Variants in FANCL observed in about 807,000 individuals in gnomAD.
FANCL encodes the protein E3 ubiquitin-protein ligase FANCL.
In FANCL, 69 loss-of-function variants were observed where a neutral mutation model predicts 59.4. That is an observed-to-expected ratio of 1.16 (90% CI 0.96 to 1.42). The LOEUF (loss-of-function observed/expected upper bound fraction) is 1.42. FANCL is among the 40% of genes most tolerant of loss of function. FANCL has a pLI of 0.00. For synonymous variants in FANCL, 180 were observed against 147.1 expected, an observed-to-expected ratio of 1.22 and a Z score of -1.62; for missense variants, 519 against 447.2, an observed-to-expected ratio of 1.16 and a Z score of -1.45.
intron 5 of FANCL, among the ~76,000 whole-genome samples, chr2:58,205,104 C>T (rs994232290): frequency 6.6e-6 from 1 of 151,946 alleles, no homozygotes; most frequent in Non-Finnish European, 1.5e-5. Context: ...AAACTTATCA[C>T]CCAGGCTGAT....
Position 58,222,056 on chromosome 2 carries a change from G to C in FANCL, c.274-14C>G. Reference sequence around the variant, plus strand: ...TAAGGCAACTTCCTGTTTAAAAGAAGAAAACCTGAATTAGCTGTGGAACGC... The same window carrying C: ...TAAGGCAACTTCCTGTTTAAAAGAACAAAACCTGAATTAGCTGTGGAACGC... On this transcript the variant is annotated splice_polypyrimidine_tract_variant and intron_variant, in intron 4 of 13. Coordinates refer to ENST00000233741, the MANE Select transcript of FANCL (RefSeq NM_018062.4). The C allele has an allele frequency of 6.3e-7, 1 of 1,579,412 alleles. No individual in the cohort carries two copies.
At chr2:58,162,188 T>G (rs1177927293) in intron 11 of FANCL, among the ~76,000 whole-genome samples, 3 of 151,960 alleles carry the variant, frequency 2.0e-5, no homozygotes, top group Non-Finnish European at 4.4e-5. Context: ...CACTACCATT[T>G]AGTAGTCTAC....
rs746454771 is a variant in FANCL, at chr2:58,161,631, G to A, written c.911C>T (p.Thr304Ile). 1 of 1,605,294 alleles carries A rather than the reference G, an allele frequency of 6.2e-7. No homozygotes were observed. Among genetic ancestry groups the A allele is most frequent in the South Asian group, 1.1e-5 (1 of 90,878 alleles). Residue 304 changes from threonine (T) to isoleucine (I), a missense_variant, in exon 12 of 14, where the codon ACT becomes ATT. Thr to Ile is a moderately conservative substitution (Grantham distance 89). Transcript: ENST00000233741. ...ARAILEKSDFTMDCGICYAYQ... is the reference protein window; with the variant it reads ...ARAILEKSDFIMDCGICYAYQ... Reference sequence around the variant, plus strand: ...AGCATAACAAATTCCACAATCCATAGTAAAATCCTTCAAAAGAAAAATATT... The same window carrying A: ...AGCATAACAAATTCCACAATCCATAATAAAATCCTTCAAAAGAAAAATATT...
In FANCL at chr2:58,217,167, TA is replaced by T. The variant is rs1330180607; in HGVS notation, c.374+4774del. On this transcript the variant is annotated intron_variant, in intron 5 of 13. Transcript: ENST00000233741. ...GATTTATATATATATTTATATATTTTATATATATATATATATATATATATAT... is the reference window on the plus strand; with the variant it reads ...GATTTATATATATATTTATATATTTTTATATATATATATATATATATATAT... 3.4e-4 allele frequency among the ~76,000 whole-genome samples: 11 copies of T among 32,114 alleles called. No individual in the cohort carries two copies. In the East Asian group the frequency reaches 5.3e-3, roughly 16 times the overall value. 21.1% of individuals were successfully genotyped at this position (32,114 alleles called of 152,430 possible).
intron 4 of FANCL, among the ~76,000 whole-genome samples, chr2:58,225,985 TATA>T (rs978595876): frequency 3.9e-5 from 6 of 152,074 alleles, no homozygotes; most frequent in Non-Finnish European, 8.8e-5. Flanking sequence ...TTATTGAGGT[TATA>T]ATAATATATT....
chr2:58,212,499 G>T (rs970277492), intron 5 of FANCL, among the ~76,000 whole-genome samples: 2 of 152,032 alleles, frequency 1.3e-5, no homozygotes, highest in African/African-American at 4.8e-5. Context: ...ACTGACAGGG[G>T]CCAAAACAAA....
intron 7 of FANCL, among the ~76,000 whole-genome samples, chr2:58,193,949 CA>C (rs1467052305): frequency 6.6e-5 from 10 of 152,046 alleles, no homozygotes; most frequent in African/African-American, 2.4e-4. Flanking sequence ...TTAGAATACC[CA>C]AATGCTAGTA....
At chr2:58,210,333 G>A (rs1042239608) in intron 5 of FANCL, among the ~76,000 whole-genome samples, 2 of 152,106 alleles carry the variant, frequency 1.3e-5, no homozygotes, top group Non-Finnish European at 2.9e-5. Context: ...GACAGAATAA[G>A]GAAGATGCAA....
chr2:58,233,727 C>T (rs1159761476), intron 1 of FANCL, among the ~76,000 whole-genome samples: 1 of 151,640 alleles, frequency 6.6e-6, no homozygotes, highest in Non-Finnish European at 1.5e-5. Context: ...ACTGGGAGGA[C>T]TAAGTAAGTG....
At chr2:58,210,508 A>AC (rs1691035692) in intron 5 of FANCL, among the ~76,000 whole-genome samples, 1 of 151,848 alleles carries the variant, frequency 6.6e-6, no homozygotes, top group South Asian at 2.1e-4. Context: ...TCTACCCCTG[A>AC]CCCCTCCCCA....
chr2:58,214,543 C>A (rs759652074), intron 5 of FANCL, among the ~76,000 whole-genome samples: 2 of 152,182 alleles, frequency 1.3e-5, no homozygotes, highest in Non-Finnish European at 2.9e-5. Context: ...CAGGGTCTCA[C>A]TGTCACCTAG....
chr2:58,214,959 C>A (rs1213835361), intron 5 of FANCL, among the ~76,000 whole-genome samples: 3 of 152,196 alleles, frequency 2.0e-5, no homozygotes, highest in African/African-American at 7.2e-5. Flanking sequence ...TCTTATTGCA[C>A]TTCTCTCAAC....
intron 1 of FANCL, among the ~76,000 whole-genome samples, chr2:58,237,880 T>C (rs1394358453): frequency 6.6e-6 from 1 of 152,174 alleles, no homozygotes; most frequent in African/African-American, 2.4e-5. Context: ...TTAAAGAGAA[T>C]GTGCATCTTT....
intron 5 of FANCL, among the ~76,000 whole-genome samples, chr2:58,220,474 C>G (rs1461917039): frequency 6.6e-6 from 1 of 152,128 alleles, no homozygotes; most frequent in African/African-American, 2.4e-5. Context: ...AAGTAGAAGG[C>G]AAAGGCAACG....
At chr2:58,207,041 C>T (rs1464798987) in intron 5 of FANCL, among the ~76,000 whole-genome samples, 3 of 152,152 alleles carry the variant, frequency 2.0e-5, no homozygotes, top group African/African-American at 7.2e-5. Flanking sequence ...ATCCACTTCA[C>T]CCAGCTAGTG....
chr2:58,162,210 C>A (rs1685290497), intron 11 of FANCL, among the ~76,000 whole-genome samples: 2 of 151,888 alleles, frequency 1.3e-5, no homozygotes, highest in Admixed American at 1.3e-4. Context: ...ACCTTAGCAG[C>A]CTTGTCAAAA....
intron 7 of FANCL, chr2:58,194,414 T>C (rs1689235492): frequency 2.5e-6 from 1 of 404,564 alleles, no homozygotes; most frequent in Non-Finnish European, 5.0e-6. Flanking sequence ...AGGATATATT[T>C]TGAAGCATTT....
At chr2:58,227,765 C>T (rs977971312) in intron 3 of FANCL, among the ~76,000 whole-genome samples, 3 of 152,156 alleles carry the variant, frequency 2.0e-5, no homozygotes, top group Non-Finnish European at 4.4e-5. Flanking sequence ...TCACCTAGGT[C>T]AGTGGGCACA....
intron 13 of FANCL, 60 bp from the exon 14 acceptor site, chr2:58,159,860 T>C (rs1401820644): frequency 1.2e-6 from 2 of 1,604,364 alleles, no homozygotes; most frequent in Non-Finnish European, 1.7e-6. Flanking sequence ...TAAAATTGCT[T>C]TGTACTAGAA....
Sources: allele counts gnomAD v4.1 joint callset (sites outside exome capture counted in the v4.1 genomes callset), GRCh38; gene constraint gnomAD v4.1.1; transcripts MANE v1.5; gene names NCBI Gene and HGNC (gene_info 2026-07-23, HGNC 2026-07-21).